Variants in IKZF2 observed in about 807,000 individuals in gnomAD.
IKZF2 encodes the protein zinc finger protein Helios.
A neutral mutation model predicts 49.2 loss-of-function variants in IKZF2; 15 were observed. The ratio of observed to expected loss-of-function variants is 0.30; its 90% confidence interval spans 0.20 to 0.47. IKZF2 has a LOEUF of 0.47. Among genes scored for constraint, IKZF2 ranks in the 20% least tolerant of loss-of-function variants. The pLI, the probability that IKZF2 is intolerant of heterozygous loss-of-function variation, is 1.00. For synonymous variants in IKZF2, 227 were observed against 221.4 expected, an observed-to-expected ratio of 1.03 and a Z score of -0.23; for missense variants, 567 against 664.6, an observed-to-expected ratio of 0.85 and a Z score of 1.61.
At chr2:213,075,877 T>A (rs1703207750) in intron 4 of IKZF2, among the ~76,000 whole-genome samples, 1 of 152,126 alleles carries the variant, frequency 6.6e-6, no homozygotes, top group African/African-American at 2.4e-5. Context: ...TGCCTGGGAA[T>A]AATATTATCA....
At chr2:213,099,370 C>CT (rs955285521) in intron 4 of IKZF2, among the ~76,000 whole-genome samples, 1 of 152,024 alleles carries the variant, frequency 6.6e-6, no homozygotes, top group African/African-American at 2.4e-5. Flanking sequence ...ATCTCATCTG[C>CT]TTTTTTTGAA....
chr2:213,095,168 TTAAG>T (rs1467065143), intron 4 of IKZF2, among the ~76,000 whole-genome samples: 4 of 152,240 alleles, frequency 2.6e-5, no homozygotes, highest in East Asian at 1.9e-4. Flanking sequence ...AATAAACTCT[TTAAG>T]TAAGTGAACA....
At chr2:213,140,588 T>C (rs1216670567) in intron 4 of IKZF2, among the ~76,000 whole-genome samples, 1 of 151,980 alleles carries the variant, frequency 6.6e-6, no homozygotes, top group Non-Finnish European at 1.5e-5. Context: ...GTATATGGCA[T>C]ACATTAATCT....
chr2:213,022,228 T>C (rs1178244508), intron 6 of IKZF2, 98 bp from the exon 7 acceptor site: 3 of 1,163,406 alleles, frequency 2.6e-6, no homozygotes, highest in Non-Finnish European at 3.5e-6. Flanking sequence ...AGCACTCATA[T>C]AATTTTCAGA....
At chr2:213,041,200 T>A (rs536150842) in intron 6 of IKZF2, among the ~76,000 whole-genome samples, 1 of 152,156 alleles carries the variant, frequency 6.6e-6, no homozygotes, top group South Asian at 2.1e-4. Flanking sequence ...AATCTCAAGA[T>A]TACTGAATAG....
Position 213,013,887 on chromosome 2 carries a change from T to C in IKZF2, c.760A>G (p.Asn254Asp). Residue 254 changes from asparagine to aspartate, a missense_variant, in exon 8 of 9, where the codon AAT becomes GAT. Transcript: ENST00000434687. ...CKEQEPIMDN[N>D]ISLVPFERPA... ...CTCTCAAAAGGCACCAGAGAAATAT[T>C]GTTGTCCATAATAGGCTCTTGTTCC... 2 of 1,612,026 alleles carry C rather than the reference T, an allele frequency of 1.2e-6. No individual in the cohort carries two copies. The highest frequency in any genetic ancestry group is 1.7e-6 in the Non-Finnish European group (2 of 1,178,456).
At chr2:213,067,398 C>A (rs1402823861) in intron 4 of IKZF2, among the ~76,000 whole-genome samples, 3 of 151,914 alleles carry the variant, frequency 2.0e-5, no homozygotes, top group Non-Finnish European at 2.9e-5. Context: ...AACTAGATGG[C>A]ACTCAAGATA....
chr2:213,013,813 G>A lies in IKZF2; in HGVS notation c.834C>T (p.Ser278=), dbSNP rs1275637243. ...TACCCACAAACTTTTGTGGAGTGGA[G>A]CTTTTACGTTTTCCCATATTCCCCG... ...KLTGNMGKRK[S]STPQKFVGEK... Residue 278 remains serine, a synonymous_variant, in exon 8 of 9, where the codon AGC becomes AGT. Transcript: ENST00000434687. 1 of 1,611,140 alleles carries A rather than the reference G, an allele frequency of 6.2e-7. No homozygotes were observed.
At chr2:213,149,356 A>T (rs2061192395) in intron 2 of IKZF2, among the ~76,000 whole-genome samples, 1 of 152,172 alleles carries the variant, frequency 6.6e-6, no homozygotes, top group South Asian at 2.1e-4. Context: ...CATTTAAAAA[A>T]AAAAAAAACT....
chr2:213,037,571 C>A (rs13397204), intron 6 of IKZF2, among the ~76,000 whole-genome samples: 70,179 of 152,034 alleles, frequency 0.46, 18,774 homozygotes, highest in East Asian at 0.76. Flanking sequence ...AGGTAAATTT[C>A]AATGAGTAGG....
chr2:213,120,584 C>T (rs572786391), intron 4 of IKZF2, among the ~76,000 whole-genome samples: 2 of 152,200 alleles, frequency 1.3e-5, no homozygotes, highest in South Asian at 2.1e-4. Context: ...AGACTGCATT[C>T]CTCAGGTAAG....
intron 4 of IKZF2, among the ~76,000 whole-genome samples, chr2:213,104,322 C>A (rs996036297): frequency 6.6e-6 from 1 of 151,746 alleles, no homozygotes; most frequent in Admixed American, 6.6e-5. Context: ...AACCACAGGG[C>A]AGAGGCAAGG....
Position 213,077,220 on chromosome 2 carries a change from T to C in IKZF2, c.140-20121A>G, listed in dbSNP as rs565949968. Among the ~76,000 whole-genome samples the C allele has an allele frequency of 5.9e-5, 9 of 152,232 alleles. No individual in the cohort carries two copies. In the South Asian group the frequency reaches 1.9e-3, roughly 31 times the overall value. On this transcript the variant is annotated intron_variant, in intron 4 of 8. Coordinates refer to ENST00000434687, the MANE Select transcript of IKZF2 (RefSeq NM_001387220.1). ...TGATAATAGTGAACAAATAAGTGTA[T>C]TAATGTGTCACTTGTTTAAATCAGT...
chr2:213,132,769 T>G (rs910302317), intron 4 of IKZF2, among the ~76,000 whole-genome samples: 2 of 152,226 alleles, frequency 1.3e-5, no homozygotes, highest in African/African-American at 4.8e-5. Context: ...CATCCTCAAA[T>G]GAAATGCATT....
intron 6 of IKZF2, among the ~76,000 whole-genome samples, chr2:213,040,388 C>T (rs886462852): frequency 9.2e-5 from 14 of 151,934 alleles, no homozygotes; most frequent in Non-Finnish European, 2.9e-5. Context: ...TATGGAGACA[C>T]ATTCTTACTC....
chr2:213,012,098 A>G (rs1189534365), intron 8 of IKZF2, among the ~76,000 whole-genome samples: 2 of 152,090 alleles, frequency 1.3e-5, no homozygotes, highest in Admixed American at 6.6e-5. Flanking sequence ...GCAATTTATA[A>G]TAAGTGTGGA....
At chr2:213,064,310 T>C (rs781060341) in intron 4 of IKZF2, among the ~76,000 whole-genome samples, 5 of 152,046 alleles carry the variant, frequency 3.3e-5, no homozygotes, top group Non-Finnish European at 4.4e-5. Flanking sequence ...TGTCAATTAT[T>C]GATATAAAGA....
chr2:213,149,148 G>A lies in IKZF2; in HGVS notation c.-15-504C>T, dbSNP rs116737908. 1.0e-2 allele frequency among the ~76,000 whole-genome samples: 1,517 copies of A among 152,154 alleles called. 22 individuals carry two copies. Among genetic ancestry groups the A allele is most frequent in the African/African-American group, 0.035 (1,448 of 41,484 alleles). On this transcript the variant is annotated intron_variant, in intron 2 of 8. Coordinates refer to ENST00000434687, the MANE Select transcript of IKZF2 (RefSeq NM_001387220.1). ...CAAAACAAAAAACTTAGTGCCCAAC[G>A]GTGTCTTGAAGATTTCTACAGCAGT...
At chr2:213,059,807 T>C (rs1559220357) in intron 4 of IKZF2, among the ~76,000 whole-genome samples, 2 of 151,482 alleles carry the variant, frequency 1.3e-5, no homozygotes, top group Non-Finnish European at 3.0e-5. Flanking sequence ...AAGTGTGAGA[T>C]ATTACAAATA....
Sources: gnomAD v4.1 joint callset for allele counts (sites outside exome capture counted in the v4.1 genomes callset) on GRCh38, gnomAD v4.1.1 for gene constraint, MANE v1.5 for transcripts, NCBI Gene and HGNC (gene_info 2026-07-23, HGNC 2026-07-21) for gene names.